Variants in UBXN7 observed in about 807,000 individuals in gnomAD.
The protein encoded by UBXN7 is UBX domain-containing protein 7.
A neutral mutation model predicts 58.0 loss-of-function variants in UBXN7; 9 were observed. That is an observed-to-expected ratio of 0.16 (90% CI 0.09 to 0.27). The LOEUF (loss-of-function observed/expected upper bound fraction) is 0.27. Among genes scored for constraint, UBXN7 ranks in the 10% least tolerant of loss-of-function variants. The pLI, the probability that UBXN7 is intolerant of heterozygous loss-of-function variation, is 1.00. For synonymous variants in UBXN7, 208 were observed against 205.0 expected (o/e 1.01, Z -0.12); for missense variants, 328 against 599.6 (o/e 0.55, Z 4.73).
intron 5 of UBXN7, among the ~76,000 whole-genome samples, chr3:196,381,905 A>G (rs1044211532): frequency 6.6e-6 from 1 of 152,254 alleles, no homozygotes; most frequent in African/African-American, 2.4e-5. Context: ...TGAAGATCAA[A>G]TTAATGAAAT....
intron 10 of UBXN7, 38 bp from the exon 11 acceptor site, chr3:196,356,884 A>G (rs1728365623): frequency 6.3e-7 from 1 of 1,585,706 alleles, no homozygotes; most frequent in African/African-American, 1.4e-5. Context: ...ATTAGACGGA[A>G]AAAGAGGAAA....
chr3:196,415,432 GT>G (rs1730451362), intron 1 of UBXN7, among the ~76,000 whole-genome samples: 1 of 148,714 alleles, frequency 6.7e-6, no homozygotes, highest in South Asian at 2.1e-4. Context: ...GATTACAGGC[GT>G]GAGCCACCGC....
intron 10 of UBXN7, among the ~76,000 whole-genome samples, chr3:196,360,173 A>G (rs938968734): frequency 1.3e-5 from 2 of 152,270 alleles, no homozygotes; most frequent in African/African-American, 4.8e-5. Flanking sequence ...TGCAAGGTGA[A>G]GCAGCAAGTG....
chr3:196,424,781 C>A (rs1730796500), intron 1 of UBXN7, among the ~76,000 whole-genome samples: 1 of 149,442 alleles, frequency 6.7e-6, no homozygotes, highest in African/African-American at 2.5e-5. Flanking sequence ...CAGCTCACTG[C>A]AACCTCCGCC....
chr3:196,380,785 C>T (rs1729183200), intron 5 of UBXN7, among the ~76,000 whole-genome samples: 1 of 152,268 alleles, frequency 6.6e-6, no homozygotes, highest in East Asian at 1.9e-4. Flanking sequence ...CCAAATACCG[C>T]ATTTTTCCCA....
chr3:196,361,699 C>CT (rs1297847001), intron 10 of UBXN7, 145 bp downstream of exon 10: 77 of 654,888 alleles, frequency 1.2e-4, no homozygotes, highest in South Asian at 1.9e-4. Context: ...AAGTTATGTG[C>CT]TTTTTTTTAG....
intron 5 of UBXN7, among the ~76,000 whole-genome samples, chr3:196,389,239 T>C (rs184630246): frequency 6.6e-6 from 1 of 152,116 alleles, no homozygotes; most frequent in Non-Finnish European, 1.5e-5. Context: ...CTAGAAAGGA[T>C]AGGCAGCTGC....
rs1730187017 is a variant in UBXN7, at chr3:196,407,157, A to C, written c.221+89T>G. The C allele has an allele frequency of 3.2e-5, 49 of 1,519,400 alleles. 2 individuals are homozygous for C. The South Asian group carries it at 6.1e-4, about 19-fold the overall frequency. 94.1% of individuals were successfully genotyped at this position (1,519,400 alleles called of 1,614,324 possible). A position where few individuals can be genotyped will look rare whatever the true frequency, so the allele number is the denominator to read the frequency against. Reference sequence around the variant, plus strand: ...GGCTTTCAGCCTTTCATTTATTTCAAAACCAGAGAATCGACCTAGCTTTGA... The same window carrying C: ...GGCTTTCAGCCTTTCATTTATTTCACAACCAGAGAATCGACCTAGCTTTGA... On this transcript the variant is annotated intron_variant, in intron 2 of 10. Coordinates refer to ENST00000296328, the MANE Select transcript of UBXN7 (RefSeq NM_015562.2).
intron 1 of UBXN7, among the ~76,000 whole-genome samples, chr3:196,422,974 T>C (rs1008146754): frequency 6.6e-6 from 1 of 152,102 alleles, no homozygotes; most frequent in Admixed American, 6.6e-5. Flanking sequence ...AACACAATAG[T>C]TTAAGAGCAA....
intron 1 of UBXN7, among the ~76,000 whole-genome samples, chr3:196,418,152 G>A (rs532557345): frequency 5.9e-5 from 9 of 151,998 alleles, no homozygotes; most frequent in South Asian, 2.1e-4. Flanking sequence ...TGGGAGAATC[G>A]CTGGAACCCA....
intron 1 of UBXN7, among the ~76,000 whole-genome samples, chr3:196,417,724 TAA>T (rs749981900): frequency 0.26 from 7,990 of 30,624 alleles, 352 homozygotes; most frequent in Non-Finnish European, 0.28. Context: ...GCAAAATGGT[TAA>T]AAAAAAAAAA....
At chr3:196,366,909 G>A (rs571551439) in intron 8 of UBXN7, among the ~76,000 whole-genome samples, 9 of 151,960 alleles carry the variant, frequency 5.9e-5, no homozygotes, top group African/African-American at 2.2e-4. Flanking sequence ...CAGGACGGGC[G>A]CGTTAGCTCA....
At chr3:196,359,898 T>A (rs569056045) in intron 10 of UBXN7, among the ~76,000 whole-genome samples, 2 of 150,330 alleles carry the variant, frequency 1.3e-5, no homozygotes, top group Non-Finnish European at 3.0e-5. Context: ...AGAGCAAGAC[T>A]CTGTCTCAAA....
intron 5 of UBXN7, among the ~76,000 whole-genome samples, chr3:196,386,311 T>G (rs1395308557): frequency 2.2e-5 from 3 of 134,284 alleles, no homozygotes; most frequent in Non-Finnish European, 4.6e-5. Context: ...TGACCTTCCC[T>G]CCACTACTGT....
chr3:196,368,868 G>A (rs1339676573), intron 7 of UBXN7, among the ~76,000 whole-genome samples: 1 of 152,056 alleles, frequency 6.6e-6, no homozygotes, highest in East Asian at 1.9e-4. Context: ...TGTTGCCCAG[G>A]CTGGAGTGCA....
At position 196,356,473 on chromosome 3, in the gene UBXN7, C is replaced by T. The variant is rs561818314; in HGVS notation, c.*212G>A. 300 of 477,152 alleles carry T rather than the reference C, an allele frequency of 6.3e-4. 1 individual carries two copies. The highest frequency in any genetic ancestry group is 1.5e-3 in the East Asian group (36 of 24,726). The allele number at this position is 477,152 out of a possible 1,614,324, so 29.6% of individuals were successfully genotyped here. A position where few individuals can be genotyped will look rare whatever the true frequency, so the allele number is the denominator to read the frequency against. ...GGGGGGAGGGGGAGGCAGAAGGGTA[C>T]GGAGTGGGGAGCGAGAAAACAGAAG... is the stretch of plus-strand genomic sequence containing the variant. On this transcript the variant is annotated 3_prime_UTR_variant, in exon 11 of 11. Coordinates refer to ENST00000296328, the MANE Select transcript of UBXN7 (RefSeq NM_015562.2).
Position 196,362,324 on chromosome 3 carries a change from C to G in UBXN7, c.1198G>C (p.Asp400His), listed in dbSNP as rs1220710844. Residue 400 changes from aspartate (D) to histidine (H), a missense_variant, in exon 9 of 11, where the codon GAT (aspartate) becomes CAT (histidine). Physicochemically the swap from Asp to His is moderately conservative, Grantham distance 81. Coordinates refer to ENST00000296328, the MANE Select transcript of UBXN7 (RefSeq NM_015562.2). Reference sequence around the variant, plus strand: ...ACATCTATCCCCTCCACTACTCCATCTGCTTTTTCAGGTGGCATCTCCAGT... The same window carrying G: ...ACATCTATCCCCTCCACTACTCCATGTGCTTTTTCAGGTGGCATCTCCAGT... The part of the protein sequence containing the change: ...EILEMPPEKA[D>H]GVVEGIDVNG... 1 of 1,611,070 alleles carries G rather than the reference C, an allele frequency of 6.2e-7. No individual in the cohort carries two copies. Among genetic ancestry groups the G allele is most frequent in the Non-Finnish European group, 8.5e-7 (1 of 1,178,984 alleles).
At chr3:196,401,568 TACAA>T (rs1264951988) in intron 3 of UBXN7, among the ~76,000 whole-genome samples, 1 of 147,612 alleles carries the variant, frequency 6.8e-6, no homozygotes, top group South Asian at 2.1e-4. Context: ...GAGAGCTGAG[TACAA>T]ACAGACACAA....
At chr3:196,386,805 C>A (rs1287767049) in intron 5 of UBXN7, among the ~76,000 whole-genome samples, 1 of 152,104 alleles carries the variant, frequency 6.6e-6, no homozygotes, top group African/African-American at 2.4e-5. Flanking sequence ...TTTCTAGATT[C>A]AATGCCAACC....
Sources: gnomAD v4.1 joint callset for allele counts (sites outside exome capture counted in the v4.1 genomes callset) on GRCh38, gnomAD v4.1.1 for gene constraint, MANE v1.5 for transcripts, NCBI Gene and HGNC (gene_info 2026-07-23, HGNC 2026-07-21) for gene names.